LGSN: variants seen among roughly 807,000 people sequenced by gnomAD.
LGSN encodes the protein lengsin, lens protein with glutamine synthetase domain, also known as lengsin.
A neutral mutation model predicts 19.5 loss-of-function variants in LGSN; 21 were observed. That is an observed-to-expected ratio of 1.07 (90% confidence interval 0.76 to 1.55). LGSN has a LOEUF of 1.55. Among genes scored for constraint, LGSN ranks in the 40% most tolerant of loss-of-function variants. The probability of loss-of-function intolerance (pLI) is 0.00; values close to 1 mark genes in which losing one functional copy is unlikely to be tolerated. For synonymous variants in LGSN, 257 were observed against 215.6 expected, an observed-to-expected ratio of 1.19 and a Z score of -1.68; for missense variants, 673 against 608.5, an observed-to-expected ratio of 1.11 and a Z score of -1.12.
At chr6:63,535,425 A>G in the LGSN span, among the ~76,000 whole-genome samples, 1 of 152,150 alleles carries the variant, frequency 6.6e-6, no homozygotes, top group Non-Finnish European at 1.5e-5. Flanking sequence ...CCGAGATTGC[A>G]CCACTGCACT....
At chr6:63,335,010 G>T in the LGSN span, among the ~76,000 whole-genome samples, 3 of 151,916 alleles carry the variant, frequency 2.0e-5, no homozygotes, top group Non-Finnish European at 4.4e-5. Context: ...GAGCATGGTG[G>T]CAGGTGCCTG....
At chr6:63,505,605 G>GAAAT in the LGSN span, among the ~76,000 whole-genome samples, 4,486 of 114,102 alleles carry the variant, frequency 0.039, 598 homozygotes, top group Middle Eastern at 0.066. Context: ...AAGAAAGAAA[G>GAAAT]AAAGAAAGAA....
the LGSN span, among the ~76,000 whole-genome samples, chr6:63,474,404 C>A: frequency 3.3e-5 from 5 of 151,136 alleles, no homozygotes; most frequent in Admixed American, 2.6e-4. Context: ...GTCAGGAGAT[C>A]GAGACCATCC....
At chr6:63,522,902 T>C in the LGSN span, among the ~76,000 whole-genome samples, 2 of 147,660 alleles carry the variant, frequency 1.4e-5, no homozygotes, top group South Asian at 2.1e-4. Context: ...TCTCACTCTG[T>C]CAACCAGGCT....
intron 2 of LGSN, among the ~76,000 whole-genome samples, chr6:63,289,815 G>A (rs1350060334): frequency 2.0e-5 from 3 of 152,114 alleles, no homozygotes; most frequent in Non-Finnish European, 4.4e-5. Context: ...AAGTGCACTT[G>A]CGAGAAAACT....
the LGSN span, among the ~76,000 whole-genome samples, chr6:63,468,838 T>C: frequency 6.6e-6 from 1 of 151,824 alleles, no homozygotes; most frequent in African/African-American, 2.4e-5. Flanking sequence ...AACCTCTGTC[T>C]CCTGGGTTCA....
the LGSN span, among the ~76,000 whole-genome samples, chr6:63,527,458 C>A: frequency 2.0e-5 from 3 of 152,050 alleles, no homozygotes; most frequent in African/African-American, 7.2e-5. Context: ...TTCTCCTCTT[C>A]TTATGTTGTA....
the LGSN span, among the ~76,000 whole-genome samples, chr6:63,327,733 C>G: frequency 1.3e-5 from 2 of 152,050 alleles, no homozygotes; most frequent in Non-Finnish European, 2.9e-5. Flanking sequence ...TTTTTCTTTA[C>G]TACTTCCATC....
chr6:63,465,982 T>C, the LGSN span, among the ~76,000 whole-genome samples: 1 of 152,212 alleles, frequency 6.6e-6, no homozygotes, highest in Non-Finnish European at 1.5e-5. Flanking sequence ...CCTTGTTTGT[T>C]TGTCTGTGAC....
chr6:63,382,105 G>A, the LGSN span, among the ~76,000 whole-genome samples: 1 of 152,168 alleles, frequency 6.6e-6, no homozygotes, highest in East Asian at 1.9e-4. Flanking sequence ...AGGAAACAAA[G>A]CTTAAAACAG....
chr6:63,561,966 A>G, the LGSN span, among the ~76,000 whole-genome samples: 1 of 152,210 alleles, frequency 6.6e-6, no homozygotes, highest in East Asian at 1.9e-4. Context: ...TTTATCTGAA[A>G]TGATTTTTCC....
chr6:63,407,989 T>C, the LGSN span, among the ~76,000 whole-genome samples: 1 of 152,140 alleles, frequency 6.6e-6, no homozygotes, highest in South Asian at 2.1e-4. Context: ...GAAGGACCTC[T>C]TCAAGGAGAA....
the LGSN span, among the ~76,000 whole-genome samples, chr6:63,429,076 T>C: frequency 1.3e-5 from 2 of 152,130 alleles, no homozygotes; most frequent in Admixed American, 1.3e-4. Context: ...AGACATTACA[T>C]GAGGCTTCAG....
chr6:63,424,021 C>A, the LGSN span, among the ~76,000 whole-genome samples: 1 of 152,032 alleles, frequency 6.6e-6, no homozygotes, highest in Non-Finnish European at 1.5e-5. Context: ...GCCTGGGCAA[C>A]AGAGCAAAAC....
chr6:63,366,135 G>A, the LGSN span, among the ~76,000 whole-genome samples: 3 of 152,182 alleles, frequency 2.0e-5, no homozygotes, highest in Non-Finnish European at 4.4e-5. Context: ...ATAAGGAAAA[G>A]AGGAAGTCAA....
At chr6:63,397,967 T>C in the LGSN span, among the ~76,000 whole-genome samples, 1 of 151,796 alleles carries the variant, frequency 6.6e-6, no homozygotes, top group Admixed American at 6.6e-5. Context: ...AAGATTATAA[T>C]GAAGCTGAAA....
chr6:63,546,607 G>A, the LGSN span, among the ~76,000 whole-genome samples: 1 of 152,128 alleles, frequency 6.6e-6, no homozygotes, highest in Admixed American at 6.5e-5. Context: ...TTGGGAGGCT[G>A]AGGCAGAATA....
At chr6:63,282,682 A>G (rs1300757008) in intron 3 of LGSN, among the ~76,000 whole-genome samples, 1 of 152,108 alleles carries the variant, frequency 6.6e-6, no homozygotes, top group Non-Finnish European at 1.5e-5. Context: ...ATGCTATTTG[A>G]CTGAACTGAT....
chr6:63,336,895 C>T, the LGSN span, among the ~76,000 whole-genome samples: 138 of 145,976 alleles, frequency 9.5e-4, no homozygotes, highest in African/African-American at 3.4e-3. Context: ...CCACCATGCC[C>T]GGCCCCAAAA....
Sources: allele counts gnomAD v4.1 joint callset (sites outside exome capture counted in the v4.1 genomes callset), GRCh38; gene constraint gnomAD v4.1.1; transcripts MANE v1.5; gene names NCBI Gene and HGNC (gene_info 2026-07-23, HGNC 2026-07-21).